The following KCNH1 variants were observed in gnomAD, a reference collection of about 807,000 sequenced individuals.
KCNH1 encodes voltage-gated delayed rectifier potassium channel KCNH1.
In KCNH1, 27 loss-of-function variants were observed where a neutral mutation model predicts 69.2. That is an observed-to-expected ratio of 0.39 (90% CI 0.29 to 0.54). The LOEUF is 0.54. Ranked by LOEUF, KCNH1 falls within the 20% of genes least tolerant of loss-of-function variation. The pLI, the probability that KCNH1 is intolerant of heterozygous loss-of-function variation, is 0.68. For missense variants in KCNH1, 798 were observed against 1,261.6 expected (o/e 0.63, Z 5.57); for synonymous variants, 456 against 487.7 (o/e 0.93, Z 0.86).
intron 6 of KCNH1, among the ~76,000 whole-genome samples, chr1:210,960,647 A>T (rs1052100199): frequency 6.6e-6 from 1 of 152,206 alleles, no homozygotes; most frequent in Non-Finnish European, 1.5e-5. Context: ...GCATCACAAT[A>T]TACTTACCCA....
intron 7 of KCNH1, among the ~76,000 whole-genome samples, chr1:210,837,246 G>A (rs1368987415): frequency 6.6e-6 from 1 of 152,008 alleles, no homozygotes; most frequent in Non-Finnish European, 1.5e-5. Context: ...AGCTTTTCTC[G>A]ACAGCATCTG....
At chr1:211,031,437 C>A (rs973434935) in intron 5 of KCNH1, among the ~76,000 whole-genome samples, 32 of 151,996 alleles carry the variant, frequency 2.1e-4, no homozygotes, top group African/African-American at 7.7e-4. Flanking sequence ...AGAGACACAA[C>A]AAAAAAAGAG....
intron 7 of KCNH1, among the ~76,000 whole-genome samples, chr1:210,877,522 G>A (rs1558507832): frequency 6.6e-6 from 1 of 152,154 alleles, no homozygotes; most frequent in Non-Finnish European, 1.5e-5. Context: ...TGCTTCATGA[G>A]CAACATTACT....
chr1:211,129,063 G>A (rs1691832204), intron 1 of KCNH1, among the ~76,000 whole-genome samples: 1 of 152,102 alleles, frequency 6.6e-6, no homozygotes, highest in African/African-American at 2.4e-5. Flanking sequence ...GTGGAACAGT[G>A]GAAAATGAAT....
intron 6 of KCNH1, among the ~76,000 whole-genome samples, chr1:210,935,655 GA>G (rs1236662274): frequency 1.3e-5 from 2 of 152,054 alleles, no homozygotes; most frequent in Non-Finnish European, 2.9e-5. Context: ...AATGTTAAAA[GA>G]AAACCTACCT....
intron 7 of KCNH1, among the ~76,000 whole-genome samples, chr1:210,867,814 T>A (rs1686148014): frequency 6.6e-6 from 1 of 152,058 alleles, no homozygotes; most frequent in African/African-American, 2.4e-5. Flanking sequence ...CTCAGGATAA[T>A]ATATTTGAGA....
At chr1:211,068,938 G>A (rs1193390068) in intron 5 of KCNH1, among the ~76,000 whole-genome samples, 2 of 152,168 alleles carry the variant, frequency 1.3e-5, no homozygotes, top group East Asian at 1.9e-4. Flanking sequence ...ATAGGAAGTC[G>A]CTTACACTTT....
chr1:210,956,774 T>C (rs1425991833), intron 6 of KCNH1, among the ~76,000 whole-genome samples: 1 of 152,150 alleles, frequency 6.6e-6, no homozygotes, highest in African/African-American at 2.4e-5. Flanking sequence ...CTTTTCATTT[T>C]TTATTGTGTC....
Position 210,931,273 on chromosome 1 carries a change from G to A in KCNH1, c.1033-11204C>T, listed in dbSNP as rs139677149. On this transcript the variant is annotated intron_variant, in intron 6 of 10. Transcript: ENST00000271751. ...AAATATGGAACCAGCCCAAATGTGC[G>A]TCAATCAACAAGTGGATAAAGAAAA... is the stretch of plus-strand genomic sequence containing the variant. Among the ~76,000 whole-genome samples the A allele has an allele frequency of 1.8e-4, 28 of 152,236 alleles. No individual in the cohort carries two copies. The East Asian group carries it at 2.9e-3, about 16-fold the overall frequency.
intron 1 of KCNH1, among the ~76,000 whole-genome samples, chr1:211,122,456 C>G (rs1034626087): frequency 6.6e-6 from 1 of 152,152 alleles, no homozygotes. Flanking sequence ...TACTATTTGA[C>G]CCAGCAATTC....
At position 210,906,819 on chromosome 1, in the gene KCNH1, G is replaced by A. The variant is rs192895847; in HGVS notation, c.1462+12821C>T. On this transcript the variant is annotated intron_variant, in intron 7 of 10. Coordinates refer to ENST00000271751, the MANE Select transcript of KCNH1 (RefSeq NM_172362.3). Reference sequence around the variant, plus strand: ...GTACTGCTTTCACATGATACAATGTGAAGAAGTAATCATATGGGCCAGAAC... The same window carrying A: ...GTACTGCTTTCACATGATACAATGTAAAGAAGTAATCATATGGGCCAGAAC... Among the ~76,000 whole-genome samples, 116 of 152,276 alleles carry A rather than the reference G, an allele frequency of 7.6e-4. 1 individual carries two copies. The highest frequency in any genetic ancestry group is 2.4e-4 in the Non-Finnish European group (16 of 68,022).
At chr1:210,956,620 C>T (rs1389775105) in intron 6 of KCNH1, among the ~76,000 whole-genome samples, 1 of 149,788 alleles carries the variant, frequency 6.7e-6, no homozygotes. Context: ...AGAGATTCCA[C>T]TTCTTCCTGG....
At chr1:211,110,190 G>A (rs1691433045) in intron 1 of KCNH1, among the ~76,000 whole-genome samples, 1 of 152,122 alleles carries the variant, frequency 6.6e-6, no homozygotes, top group Admixed American at 6.5e-5. Flanking sequence ...GCAAAGATTA[G>A]GGGAAATTAT....
intron 7 of KCNH1, among the ~76,000 whole-genome samples, chr1:210,829,196 A>G (rs1433661575): frequency 1.3e-5 from 2 of 152,156 alleles, no homozygotes; most frequent in African/African-American, 4.8e-5. Flanking sequence ...CAAAATGTCT[A>G]TCCCTTTTGC....
At chr1:211,028,663 A>G (rs1483230323) in intron 5 of KCNH1, among the ~76,000 whole-genome samples, 1 of 152,054 alleles carries the variant, frequency 6.6e-6, no homozygotes, top group Non-Finnish European at 1.5e-5. Context: ...TAATGTTACA[A>G]ACAACTCTAC....
At chr1:211,039,199 A>C (rs1251759094) in intron 5 of KCNH1, among the ~76,000 whole-genome samples, 1 of 152,222 alleles carries the variant, frequency 6.6e-6, no homozygotes, top group African/African-American at 2.4e-5. Flanking sequence ...TGGACACCCC[A>C]AGCCTTAGCA....
chr1:211,123,501 C>T (rs554550833), intron 1 of KCNH1, among the ~76,000 whole-genome samples: 8 of 152,166 alleles, frequency 5.3e-5, no homozygotes, highest in Middle Eastern at 3.4e-3. Flanking sequence ...GAGGCAGAGA[C>T]AGCAGAGACA....
At chr1:211,000,330 T>C (rs1689149389) in intron 6 of KCNH1, among the ~76,000 whole-genome samples, 1 of 152,122 alleles carries the variant, frequency 6.6e-6, no homozygotes, top group Non-Finnish European at 1.5e-5. Context: ...GGATACAAAA[T>C]CAATGTGCAA....
intron 10 of KCNH1, among the ~76,000 whole-genome samples, chr1:210,714,772 G>A (rs186469277): frequency 1.3e-5 from 2 of 152,264 alleles, no homozygotes; most frequent in Admixed American, 6.5e-5. Context: ...CACTCTGCAT[G>A]TACTTTGTCT....
Sources: gnomAD v4.1 joint callset for allele counts (sites outside exome capture counted in the v4.1 genomes callset) on GRCh38, gnomAD v4.1.1 for gene constraint, MANE v1.5 for transcripts, NCBI Gene and HGNC (gene_info 2026-07-23, HGNC 2026-07-21) for gene names.